Variants in XYLT1 observed in about 807,000 individuals in gnomAD.
The protein encoded by XYLT1 is beta-D-xylosyltransferase 1.
In XYLT1, 36 loss-of-function variants were observed where a neutral mutation model predicts 91.3. The observed-to-expected ratio is 0.39, with a 90% CI of 0.30 to 0.52. XYLT1 has a LOEUF of 0.52. Among genes scored for constraint, XYLT1 ranks in the 20% least tolerant of loss-of-function variants. The pLI, the probability that XYLT1 is intolerant of heterozygous loss-of-function variation, is 0.68. For missense variants in XYLT1, 1,242 were observed against 1,284.5 expected (o/e 0.97, Z 0.51); for synonymous variants, 588 against 532.0 (o/e 1.11, Z -1.45).
intron 1 of XYLT1, among the ~76,000 whole-genome samples, chr16:17,456,751 T>TG (rs2036749335): frequency 6.6e-6 from 1 of 152,212 alleles, no homozygotes; most frequent in Admixed American, 6.5e-5. Flanking sequence ...TGAGTCACGC[T>TG]GGCTGAGTTG....
intron 1 of XYLT1, among the ~76,000 whole-genome samples, chr16:17,453,797 A>G (rs1466272284): frequency 1.3e-5 from 2 of 152,332 alleles, no homozygotes; most frequent in East Asian, 3.9e-4. Context: ...ATCTAGAAAA[A>G]AAACACCTAA....
intron 3 of XYLT1, among the ~76,000 whole-genome samples, chr16:17,232,185 C>CAATATATAT (rs2033168264): frequency 1.4e-5 from 2 of 140,560 alleles, no homozygotes; most frequent in African/African-American, 2.6e-5. Flanking sequence ...ACAATATATA[C>CAATATATAT]TATATATAAA....
intron 2 of XYLT1, among the ~76,000 whole-genome samples, chr16:17,274,494 T>G (rs541218997): frequency 2.6e-5 from 4 of 152,120 alleles, no homozygotes; most frequent in Non-Finnish European, 5.9e-5. Context: ...GGAACTAAAG[T>G]ATGCTTCCTG....
At position 17,134,700 on chromosome 16, in the gene XYLT1, A is replaced by C; in HGVS notation, c.1800T>G (p.Phe600Leu). Reference protein sequence around the residue: ...TARPTFFARKFEAVVNQEIIG... With the variant: ...TARPTFFARKLEAVVNQEIIG... The stretch of plus-strand genomic sequence containing the variant: ...TGATTTCCTGATTCACCACGGCTTC[A>C]AACTTGCGGGCAAAGAAGGTAGGCC... The change falls in exon 9 of 12, where the codon TTT becomes TTG. Residue 600 changes from phenylalanine to leucine, a missense_variant. Transcript: ENST00000261381. 6.2e-7 allele frequency: 1 copy of C among 1,614,200 alleles called. No individual in the cohort carries two copies. The highest frequency in any genetic ancestry group is 8.5e-7 in the Non-Finnish European group (1 of 1,180,036).
At chr16:17,152,022 C>T (rs1051976217) in intron 6 of XYLT1, among the ~76,000 whole-genome samples, 1 of 152,168 alleles carries the variant, frequency 6.6e-6, no homozygotes, top group Non-Finnish European at 1.5e-5. Context: ...CTGTTGAGGG[C>T]TAATTGGTTT....
At chr16:17,184,185 C>CT (rs71390593) in intron 5 of XYLT1, among the ~76,000 whole-genome samples, 3,046 of 107,382 alleles carry the variant, frequency 0.028, 148 homozygotes, top group African/African-American at 0.067. Context: ...TAAAAGACGG[C>CT]TTTTTTTTTT....
intron 8 of XYLT1, 24 bp from the exon 9 acceptor site, chr16:17,134,759 G>A: frequency 6.2e-7 from 1 of 1,610,528 alleles, no homozygotes. Context: ...ATTAAAAATA[G>A]AAAAGCCACA....
At chr16:17,236,734 C>G (rs1207829064) in intron 3 of XYLT1, among the ~76,000 whole-genome samples, 5 of 152,128 alleles carry the variant, frequency 3.3e-5, no homozygotes, top group Non-Finnish European at 7.4e-5. Flanking sequence ...TGTTCCTTGG[C>G]CTTGAGATGC....
In XYLT1 at chr16:17,332,887, C is replaced by T. The variant is rs539864658; in HGVS notation, c.402+25125G>A. 2.0e-5 allele frequency among the ~76,000 whole-genome samples: 3 copies of T among 152,142 alleles called. 1 individual carries two copies. The South Asian group carries it at 6.2e-4, about 32-fold the overall frequency. ...CCGAATTCTGCAACCTCCGCCTTTCCGTGTGTAGCTCAAGCAGAATCCAGA... is the reference window on the plus strand; with the variant it reads ...CCGAATTCTGCAACCTCCGCCTTTCTGTGTGTAGCTCAAGCAGAATCCAGA... On this transcript the variant is annotated intron_variant, in intron 2 of 11. Coordinates refer to ENST00000261381, the MANE Select transcript of XYLT1 (RefSeq NM_022166.4).
chr16:17,119,242 C>A (rs926736339), intron 10 of XYLT1, among the ~76,000 whole-genome samples: 6 of 152,152 alleles, frequency 3.9e-5, no homozygotes, highest in African/African-American at 1.4e-4. Flanking sequence ...TGACCAAAAA[C>A]TGAATGAACT....
At chr16:17,197,014 A>ATATATATATATATAT (rs1597184723) in intron 5 of XYLT1, among the ~76,000 whole-genome samples, 10 of 110,500 alleles carry the variant, frequency 9.0e-5, no homozygotes, top group African/African-American at 4.5e-4. Context: ...CTGTCTCCAA[A>ATATATATATATATAT]ATATATATAT....
At chr16:17,207,875 A>G (rs1159987437) in intron 3 of XYLT1, among the ~76,000 whole-genome samples, 1 of 152,154 alleles carries the variant, frequency 6.6e-6, no homozygotes, top group African/African-American at 2.4e-5. Context: ...CCAAGGATGA[A>G]GGTGGCCAAG....
Position 17,200,669 on chromosome 16 carries a change from A to G in XYLT1, c.914-15T>C. 3 of 1,604,782 alleles carry G rather than the reference A, an allele frequency of 1.9e-6. No individual in the cohort carries two copies. Among genetic ancestry groups the G allele is most frequent in the Non-Finnish European group, 2.6e-6 (3 of 1,172,134 alleles). On this transcript the variant is annotated splice_polypyrimidine_tract_variant and intron_variant, in intron 3 of 11. Coordinates refer to ENST00000261381, the MANE Select transcript of XYLT1 (RefSeq NM_022166.4). ...GTTGGCTTTACCTGGGGAAAATCCA[A>G]GAGAACAGAGAGGAGAAAGTGAGGC... is the stretch of plus-strand genomic sequence containing the variant.
At chr16:17,358,073 G>A (rs1297828375) in intron 1 of XYLT1, 23 bp from the exon 2 acceptor site, 1 of 1,610,724 alleles carries the variant, frequency 6.2e-7, no homozygotes, top group African/African-American at 1.3e-5. Flanking sequence ...AGGAGAAAAT[G>A]CACGTGAGGA....
intron 2 of XYLT1, among the ~76,000 whole-genome samples, chr16:17,309,833 G>A (rs891494565): frequency 1.3e-5 from 2 of 152,192 alleles, no homozygotes; most frequent in East Asian, 3.9e-4. Context: ...GCTTAGTGGT[G>A]GAAAAATCAT....
chr16:17,270,197 C>T (rs1322516593), intron 2 of XYLT1, among the ~76,000 whole-genome samples: 1 of 152,230 alleles, frequency 6.6e-6, no homozygotes, highest in Non-Finnish European at 1.5e-5. Context: ...CCTATTGCAA[C>T]AGGCATTACT....
At chr16:17,319,948 T>C (rs1368370455) in intron 2 of XYLT1, among the ~76,000 whole-genome samples, 1 of 152,174 alleles carries the variant, frequency 6.6e-6, no homozygotes, top group Non-Finnish European at 1.5e-5. Context: ...TCTTCAACCA[T>C]GCTAAGCGCC....
intron 1 of XYLT1, among the ~76,000 whole-genome samples, chr16:17,456,240 C>T (rs1214052120): frequency 1.3e-5 from 2 of 150,708 alleles, no homozygotes; most frequent in Non-Finnish European, 3.0e-5. Context: ...TCACTCTGTA[C>T]ATTCTATGTG....
chr16:17,233,558 G>A (rs2033200545), intron 3 of XYLT1, among the ~76,000 whole-genome samples: 1 of 152,224 alleles, frequency 6.6e-6, no homozygotes, highest in Non-Finnish European at 1.5e-5. Context: ...GCCAGCTCCT[G>A]GGCCTGCCCA....
Sources: gnomAD v4.1 joint callset for allele counts (sites outside exome capture counted in the v4.1 genomes callset) on GRCh38, gnomAD v4.1.1 for gene constraint, MANE v1.5 for transcripts, NCBI Gene and HGNC (gene_info 2026-07-23, HGNC 2026-07-21) for gene names.